SAMMSON: variants seen among roughly 807,000 people sequenced by gnomAD.
The protein encoded by SAMMSON is survival associated mitochondrial melanoma specific oncogenic non-coding RNA.
intron 6 of SAMMSON, among the ~76,000 whole-genome samples, chr3:70,290,218 T>A (rs1407723820): frequency 6.6e-6 from 1 of 152,142 alleles, no homozygotes; most frequent in Non-Finnish European, 1.5e-5. Flanking sequence ...TTGATGATGG[T>A]GATGTACAGA....
chr3:70,286,674 A>G (rs1559554379), intron 6 of SAMMSON, among the ~76,000 whole-genome samples: 1 of 151,976 alleles, frequency 6.6e-6, no homozygotes, highest in African/African-American at 2.4e-5. Flanking sequence ...CATGATATTG[A>G]TTCTTCCTAC....
At chr3:70,277,163 G>T (rs1353377380) in intron 6 of SAMMSON, among the ~76,000 whole-genome samples, 1 of 152,140 alleles carries the variant, frequency 6.6e-6, no homozygotes, top group African/African-American at 2.4e-5. Flanking sequence ...TTTCCTGATA[G>T]GCTCCTAAGG....
chr3:70,027,697 C>T (rs1180438499), intron 3 of SAMMSON, among the ~76,000 whole-genome samples: 1 of 152,134 alleles, frequency 6.6e-6, no homozygotes, highest in African/African-American at 2.4e-5. Context: ...TTCTTAGACC[C>T]ATTCATCCCC....
At chr3:70,135,564 G>GTGATTGA (rs2067502451) in intron 4 of SAMMSON, among the ~76,000 whole-genome samples, 1 of 152,160 alleles carries the variant, frequency 6.6e-6, no homozygotes, top group Non-Finnish European at 1.5e-5. Context: ...TCTCATTAAA[G>GTGATTGA]TGATTGATGC....
chr3:70,258,331 A>G (rs1180664100), intron 6 of SAMMSON, among the ~76,000 whole-genome samples: 1 of 152,174 alleles, frequency 6.6e-6, no homozygotes, highest in Admixed American at 6.5e-5. Context: ...GAAAAATACC[A>G]TCAAGAAAAT....
intron 6 of SAMMSON, among the ~76,000 whole-genome samples, chr3:70,281,678 A>G (rs1477239558): frequency 1.3e-5 from 2 of 152,124 alleles, no homozygotes; most frequent in African/African-American, 2.4e-5. Context: ...TCCCTGAGGA[A>G]TCCTCACCAT....
downstream of SAMMSON, among the ~76,000 whole-genome samples, chr3:70,391,533 A>G (rs1045506613): frequency 6.6e-6 from 1 of 152,120 alleles, no homozygotes; most frequent in African/African-American, 2.4e-5. Context: ...ATTGGAAGGC[A>G]GAAATAGTCT....
intron 7 of SAMMSON, among the ~76,000 whole-genome samples, chr3:70,294,701 G>T (rs142863199): frequency 2.6e-5 from 4 of 152,180 alleles, no homozygotes; most frequent in African/African-American, 9.6e-5. Context: ...AGGTAGAATG[G>T]CTCGAGGATT....
chr3:70,087,674 G>T (rs2067290778), intron 4 of SAMMSON, among the ~76,000 whole-genome samples: 1 of 152,096 alleles, frequency 6.6e-6, no homozygotes, highest in Admixed American at 6.6e-5. Context: ...GGAGTGGGCT[G>T]GGGAAGGCAT....
At chr3:70,009,120 C>G (rs202115088) in intron 1 of SAMMSON, 1 of 152,132 alleles carries the variant, frequency 6.6e-6, no homozygotes, top group East Asian at 1.9e-4. Context: ...TGTGTCTCTA[C>G]CAGGCTTTGG....
intron 4 of SAMMSON, among the ~76,000 whole-genome samples, chr3:70,136,677 T>G (rs2067507055): frequency 6.6e-6 from 1 of 152,170 alleles, no homozygotes; most frequent in Non-Finnish European, 1.5e-5. Flanking sequence ...TGGTATAAAC[T>G]GAAAGTAGAG....
At chr3:70,014,997 G>A (rs1262543825) in intron 3 of SAMMSON, 1 of 152,160 alleles carries the variant, frequency 6.6e-6, no homozygotes, top group Non-Finnish European at 1.5e-5. Context: ...AAACCATCTT[G>A]GGGCCAGGTG....
chr3:70,074,888 C>A (rs1034287586), intron 4 of SAMMSON: 2 of 152,086 alleles, frequency 1.3e-5, no homozygotes, highest in African/African-American at 4.8e-5. Flanking sequence ...TCTTACTTAT[C>A]TTTTCAGGTC....
chr3:70,425,568 C>G (rs1172226490), intron 2 of SAMMSON, among the ~76,000 whole-genome samples: 2 of 126,750 alleles, frequency 1.6e-5, no homozygotes, highest in African/African-American at 6.2e-5. Context: ...CCCGCCACCA[C>G]GCCCAGCTAT....
intron 9 of SAMMSON, among the ~76,000 whole-genome samples, chr3:70,378,141 T>C (rs549598508): frequency 1.3e-5 from 2 of 151,190 alleles, no homozygotes; most frequent in Admixed American, 6.6e-5. Flanking sequence ...ATAATTTATA[T>C]ATAATTTAGT....
At chr3:70,177,295 A>T (rs1701015418) in intron 4 of SAMMSON, among the ~76,000 whole-genome samples, 1 of 152,218 alleles carries the variant, frequency 6.6e-6, no homozygotes, top group South Asian at 2.1e-4. Context: ...GTGCTGAAAG[A>T]TCTGCACAGG....
intron 9 of SAMMSON, among the ~76,000 whole-genome samples, chr3:70,368,084 C>A (rs1043608952): frequency 6.6e-6 from 1 of 150,838 alleles, no homozygotes; most frequent in African/African-American, 2.4e-5. Context: ...TCTTAAGTGT[C>A]TTTTGCAGAG....
At chr3:70,273,835 C>T (rs1204962698) in intron 6 of SAMMSON, among the ~76,000 whole-genome samples, 1 of 152,094 alleles carries the variant, frequency 6.6e-6, no homozygotes, top group Non-Finnish European at 1.5e-5. Context: ...CAGAGTCTCA[C>T]TTTATTGCCT....
rs148234756 is a variant in SAMMSON, at chr3:70,349,181, C to T, written n.740-4994C>T. On this transcript the variant is annotated intron_variant and non_coding_transcript_variant, in intron 7 of 9. Coordinates refer to ENST00000642114, the Ensembl canonical transcript of SAMMSON. ...CCCAAGGTCGGGATTTGAGACCAGC[C>T]TGGCCAACATGGTGAAACCCCATCT... Among the ~76,000 whole-genome samples the T allele has an allele frequency of 9.2e-5, 14 of 152,112 alleles. No individual in the cohort carries two copies. In the East Asian group the frequency reaches 2.7e-3, roughly 30 times the overall value.
Sources: gnomAD v4.1 joint callset for allele counts (sites outside exome capture counted in the v4.1 genomes callset) on GRCh38, gnomAD v4.1.1 for gene constraint, MANE v1.5 for transcripts, NCBI Gene and HGNC (gene_info 2026-07-23, HGNC 2026-07-21) for gene names.